The following NR2F2 variants were observed in gnomAD, a reference collection of about 807,000 sequenced individuals.
The protein encoded by NR2F2 is nuclear receptor subfamily 2 group F member 2.
Under a neutral mutation model 34.8 loss-of-function variants are expected in NR2F2, and 2 were observed. That is an observed-to-expected ratio of 0.06 (90% CI 0.02 to 0.18). NR2F2 has a LOEUF of 0.18. Among genes scored for constraint, NR2F2 ranks in the 10% least tolerant of loss-of-function variants. The pLI, the probability that NR2F2 is intolerant of heterozygous loss-of-function variation, is 1.00. For missense variants in NR2F2, 300 were observed against 580.1 expected (o/e 0.52, Z 4.96); for synonymous variants, 274 against 251.8 (o/e 1.09, Z -0.84).
chr15:96,337,284 C>A lies in NR2F2; in HGVS notation c.971-64C>A, dbSNP rs1369201040. The A allele has an allele frequency of 4.0e-6, 3 of 744,084 alleles. No individual in the cohort carries two copies. In the South Asian group the frequency reaches 5.8e-5, roughly 14 times the overall value. The allele number at this position is 744,084 out of a possible 1,614,324, so 46.1% of individuals were successfully genotyped here. On this transcript the variant is annotated intron_variant, in intron 2 of 2. Coordinates refer to ENST00000394166, the MANE Select transcript of NR2F2 (RefSeq NM_021005.4). ...AACCTCTTAATCTGATGACTGAATT[C>A]TTCTTCTTCTTCTTCTTCTTCTTTT... is the stretch of plus-strand genomic sequence containing the variant.
Position 96,337,584 on chromosome 15 carries a change from G to A in NR2F2, c.1207G>A (p.Gly403Ser). Residue 403 changes from glycine to serine, a missense_variant, in exon 3 of 3, where the codon GGC (glycine) becomes AGC (serine). Physicochemically the swap from Gly to Ser is moderately conservative, Grantham distance 56 (BLOSUM62 0). Transcript: ENST00000394166. ...CCTCATCCGGGATATGTTACTGTCC[G>A]GCAGCAGTTTTAACTGGCCGTATAT... The part of the protein sequence containing the change: ...ETLIRDMLLS[G>S]SSFNWPYMAI... 1 of 1,614,038 alleles carries A rather than the reference G, an allele frequency of 6.2e-7. No individual in the cohort carries two copies. Among genetic ancestry groups the A allele is most frequent in the East Asian group, 2.2e-5 (1 of 44,876 alleles).
chr15:96,330,127 C>T (rs1022763305), upstream of NR2F2, among the ~76,000 whole-genome samples: 1 of 152,194 alleles, frequency 6.6e-6, no homozygotes, highest in Non-Finnish European at 1.5e-5. Context: ...CACTCCCTAT[C>T]CCTCTGCAAA....
chr15:96,331,577 C>G lies in NR2F2; in HGVS notation c.-529C>G, dbSNP rs954174994. On this transcript the variant is annotated 5_prime_UTR_variant, in exon 1 of 3. Transcript: ENST00000394166. ...CCTCCTTCACCACCACCTCCTCTTC[C>G]TCCTCCTCCTCCTCCTCCTCCTCCG... 7 of 990,592 alleles carry G rather than the reference C, an allele frequency of 7.1e-6. No individual in the cohort carries two copies. Among genetic ancestry groups the G allele is most frequent in the Non-Finnish European group, 7.3e-6 (6 of 818,058 alleles). The allele number at this position is 990,592 out of a possible 1,614,324, so 61.4% of individuals were successfully genotyped here. A position where few individuals can be genotyped will look rare whatever the true frequency, so the allele number is the denominator to read the frequency against.
At position 96,331,543 on chromosome 15, in the gene NR2F2, C is replaced by T. The variant is rs1212295111; in HGVS notation, c.-563C>T. On this transcript the variant is annotated 5_prime_UTR_variant, in exon 1 of 3. Transcript: ENST00000394166. ...CCCCCGGACAGTCGCCTCTCCTCCT[C>T]CTCTACCTCCTCCTTCACCACCACC... 3.3e-6 allele frequency: 4 copies of T among 1,229,704 alleles called. No individual in the cohort carries two copies. Among genetic ancestry groups the T allele is most frequent in the African/African-American group, 1.6e-5 (1 of 63,786 alleles). 76.2% of individuals were successfully genotyped at this position (1,229,704 alleles called of 1,614,324 possible).
upstream of NR2F2, among the ~76,000 whole-genome samples, chr15:96,326,746 C>T (rs1596418300): frequency 6.6e-6 from 1 of 152,146 alleles, no homozygotes; most frequent in Admixed American, 6.5e-5. The surrounding 1 kb of genome is among the most constrained non-coding windows in gnomAD (Gnocchi z 5.5). Context: ...GCAGATGACT[C>T]GGTTTTCTAG....
chr15:96,331,730 C>A lies in NR2F2; in HGVS notation c.-376C>A, dbSNP rs1201618566. On this transcript the variant is annotated 5_prime_UTR_variant, in exon 1 of 3. Transcript: ENST00000394166. The stretch of plus-strand genomic sequence containing the variant: ...CTCCTACTTCTGTCTTGAAGCCAGA[C>A]AATCGACTTCAGCTCTCCCTCCCCT... The A allele has an allele frequency of 2.9e-6, 3 of 1,033,692 alleles. No individual in the cohort carries two copies. Among genetic ancestry groups the A allele is most frequent in the African/African-American group, 3.3e-5 (2 of 60,036 alleles). The allele number at this position is 1,033,692 out of a possible 1,614,324, so 64.0% of individuals were successfully genotyped here.
chr15:96,333,962 T>C, intron 1 of NR2F2, 114 bp from the exon 2 acceptor site: 1 of 1,518,264 alleles, frequency 6.6e-7, no homozygotes, highest in South Asian at 1.3e-5. Flanking sequence ...TGCCTGGTTC[T>C]TGCGCTGCTC....
At chr15:96,327,588 A>G (rs3743462), upstream of NR2F2, among the ~76,000 whole-genome samples, 23,835 of 152,198 alleles carry the variant, frequency 0.16, 2,522 homozygotes, top group East Asian at 0.5. Flanking sequence ...GTTCAGAGGG[A>G]CACAATGGAA....
At chr15:96,326,853 G>A (rs1488149539), upstream of NR2F2, 2 of 153,392 alleles carry the variant, frequency 1.3e-5, no homozygotes, top group Non-Finnish European at 1.5e-5. This position sits in a 1 kb window ranked among gnomAD's most constrained non-coding sequence, Gnocchi z 5.5. Flanking sequence ...CAGCCAGGCA[G>A]GCAGGGAGGG....
intron 2 of NR2F2, among the ~76,000 whole-genome samples, chr15:96,336,591 T>G (rs1443923286): frequency 6.6e-6 from 1 of 150,436 alleles, no homozygotes; most frequent in African/African-American, 2.5e-5. Flanking sequence ...TATTTTCACG[T>G]ATCAAAAAAG....
chr15:96,335,681 GT>G (rs1899304373), intron 2 of NR2F2, among the ~76,000 whole-genome samples: 1 of 152,244 alleles, frequency 6.6e-6, no homozygotes, highest in Non-Finnish European at 1.5e-5. Flanking sequence ...TTTTAAGCTT[GT>G]TAACAGGAAA....
In NR2F2 at chr15:96,330,936, C is replaced by A. The variant is rs559424716; in HGVS notation, c.-1170C>A. The A allele has an allele frequency of 1.2e-5, 14 of 1,138,116 alleles. No individual in the cohort carries two copies. The highest frequency in any genetic ancestry group is 1.2e-4 in the African/African-American group (7 of 60,754). 70.5% of individuals were successfully genotyped at this position (1,138,116 alleles called of 1,614,324 possible). A position where few individuals can be genotyped will look rare whatever the true frequency, so the allele number is the denominator to read the frequency against. On this transcript the variant is annotated 5_prime_UTR_variant, in exon 1 of 3. Transcript: ENST00000394166. Reference sequence around the variant, plus strand: ...TCTTTCTCTCCGTCTTTTTCTCCCCCCTCTGCGCACGAAGGATGTGCTTCT... The same window carrying A: ...TCTTTCTCTCCGTCTTTTTCTCCCCACTCTGCGCACGAAGGATGTGCTTCT...
chr15:96,337,002 G>C (rs1269400048), intron 2 of NR2F2, among the ~76,000 whole-genome samples: 2 of 152,084 alleles, frequency 1.3e-5, no homozygotes, highest in African/African-American at 4.8e-5. Context: ...TCTGTTTACT[G>C]ACTTGGGCCA....
In NR2F2 at chr15:96,331,629, T is replaced by C; in HGVS notation, c.-477T>C. 7 of 1,183,654 alleles carry C rather than the reference T, an allele frequency of 5.9e-6. No homozygotes were observed. The highest frequency in any genetic ancestry group is 7.4e-6 in the Non-Finnish European group (7 of 947,402). The allele number at this position is 1,183,654 out of a possible 1,614,324, so 73.3% of individuals were successfully genotyped here. On this transcript the variant is annotated 5_prime_UTR_variant, in exon 1 of 3. The change abolishes the stop of an existing upstream ORF in the 5' untranslated region. Coordinates refer to ENST00000394166, the MANE Select transcript of NR2F2 (RefSeq NM_021005.4). ...CAACTCCTCGGCTGCACACCAGCTC[T>C]AAGAGCGAGAGTGAACGAGAGAGGG...
chr15:96,336,787 G>C (rs1052084823), intron 2 of NR2F2, among the ~76,000 whole-genome samples: 4 of 152,134 alleles, frequency 2.6e-5, no homozygotes, highest in African/African-American at 9.7e-5. Flanking sequence ...GACAAGATCA[G>C]TTTTAAAGGG....
intron 2 of NR2F2, among the ~76,000 whole-genome samples, chr15:96,336,422 T>C (rs936437539): frequency 2.6e-5 from 4 of 152,120 alleles, no homozygotes; most frequent in African/African-American, 9.7e-5. Flanking sequence ...GTGTTCTGGT[T>C]CTTGGGGTGG....
chr15:96,332,595 T>G, intron 1 of NR2F2, 48 bp downstream of exon 1: 1 of 1,587,650 alleles, frequency 6.3e-7, no homozygotes, highest in Non-Finnish European at 8.6e-7. Flanking sequence ...CCCGGGGTCC[T>G]GGGTACGTTT....
intron 2 of NR2F2, 23 bp downstream of exon 2, chr15:96,334,626 C>T (rs777666407): frequency 1.3e-6 from 2 of 1,565,328 alleles, no homozygotes; most frequent in African/African-American, 1.4e-5. Context: ...CCTGTCTTCT[C>T]GTGCCCACGG....
At chr15:96,333,974 G>A in intron 1 of NR2F2, 102 bp from the exon 2 acceptor site, 8 of 1,534,202 alleles carry the variant, frequency 5.2e-6, no homozygotes, top group Non-Finnish European at 7.0e-6. Context: ...GCGCTGCTCA[G>A]GGCCTGGGTC....
Sources: gnomAD v4.1 joint callset for allele counts (sites outside exome capture counted in the v4.1 genomes callset) on GRCh38, gnomAD v4.1.1 for gene constraint, Gnocchi (gnomAD v3.1) non-coding constraint, MANE v1.5 for transcripts, NCBI Gene and HGNC (gene_info 2026-07-23, HGNC 2026-07-21) for gene names.